TRERF1: variants seen among roughly 807,000 people sequenced by gnomAD.
TRERF1 encodes transcriptional regulating factor 1.
TRERF1 carries 27 observed loss-of-function variants against 122.9 expected under a neutral mutation model. That is an observed-to-expected ratio of 0.22 (90% confidence interval 0.16 to 0.30). TRERF1 has a LOEUF of 0.30. TRERF1 is among the 10% of genes least tolerant of loss of function. The pLI is 1.00. For synonymous variants in TRERF1, 636 were observed against 641.7 expected (o/e 0.99, Z 0.13); for missense variants, 1,248 against 1,560.3 (o/e 0.80, Z 3.37).
At chr6:42,255,171 C>T (rs150867584) in intron 12 of TRERF1, among the ~76,000 whole-genome samples, 148 of 152,330 alleles carry the variant, frequency 9.7e-4, no homozygotes, top group African/African-American at 3.3e-3. Context: ...GAAAACAGAA[C>T]GACCTGACTC....
intron 3 of TRERF1, among the ~76,000 whole-genome samples, chr6:42,357,328 CAA>C (rs35651008): frequency 0.11 from 6,584 of 60,814 alleles, 141 homozygotes; most frequent in African/African-American, 0.17. Context: ...GACTCTGTCT[CAA>C]AAAAAAAAAA....
chr6:42,343,489 T>C (rs1767681152), intron 3 of TRERF1, among the ~76,000 whole-genome samples: 1 of 152,184 alleles, frequency 6.6e-6, no homozygotes. Context: ...ACAAAAGGTA[T>C]ACCTGGTGTC....
chr6:42,239,876 G>T (rs1279716560), intron 15 of TRERF1, among the ~76,000 whole-genome samples: 1 of 151,590 alleles, frequency 6.6e-6, no homozygotes. Flanking sequence ...TTTTTTTGTG[G>T]GCCTGAGTCA....
At chr6:42,349,129 T>G (rs1015841250) in intron 3 of TRERF1, among the ~76,000 whole-genome samples, 1 of 152,222 alleles carries the variant, frequency 6.6e-6, no homozygotes, top group Non-Finnish European at 1.5e-5. Context: ...CTACCCTGTC[T>G]ACTTTCCCAA....
intron 2 of TRERF1, among the ~76,000 whole-genome samples, chr6:42,429,454 G>A (rs747728347): frequency 1.3e-5 from 2 of 152,126 alleles, no homozygotes; most frequent in African/African-American, 2.4e-5. Context: ...CCCTGCTACC[G>A]CCTCCTCTCA....
intron 2 of TRERF1, among the ~76,000 whole-genome samples, chr6:42,392,185 C>T (rs1307483681): frequency 2.0e-5 from 3 of 152,186 alleles, no homozygotes; most frequent in Non-Finnish European, 4.4e-5. Context: ...GCCAGGGCAG[C>T]ACCTGGCACA....
chr6:42,293,549 C>G (rs565424979), intron 4 of TRERF1, among the ~76,000 whole-genome samples: 2 of 152,318 alleles, frequency 1.3e-5, no homozygotes, highest in East Asian at 3.9e-4. Context: ...AAAAATGTCA[C>G]AGCTTTCTCT....
rs1023179508 is a variant in TRERF1, at chr6:42,265,603, A to G, written c.1484+148T>C. ...ATACATAATGCCTAGTGCTTAGCCC[A>G]TAGTATGCACTCAAACACAACAGCT... On this transcript the variant is annotated intron_variant, in intron 6 of 17. Coordinates refer to ENST00000372922, the Ensembl canonical transcript of TRERF1. The G allele has an allele frequency of 4.8e-5, 41 of 854,162 alleles. No individual in the cohort carries two copies. The Middle Eastern group carries it at 1.1e-3, about 23-fold the overall frequency. The allele number at this position is 854,162 out of a possible 1,614,324, so 52.9% of individuals were successfully genotyped here. A position where few individuals can be genotyped will look rare whatever the true frequency, so the allele number is the denominator to read the frequency against.
chr6:42,311,765 C>CA (rs10530333), intron 3 of TRERF1, among the ~76,000 whole-genome samples: 1,107 of 33,772 alleles, frequency 0.033, 31 homozygotes, highest in African/African-American at 0.045. Flanking sequence ...GACTCCGTCT[C>CA]AAAAAAAAAA....
rs762812010 is a variant in TRERF1 at position 42,374,150 on chromosome 6, A to AAAGAAGAAGAAG, written c.-453-11083_-453-11072dup. ...CTGTCTTTTTTTTAAAAAAAAAAAAAAAGAAGAAGAAGAAGAAGAAGAAGA... is the reference window on the plus strand; with the variant it reads ...CTGTCTTTTTTTTAAAAAAAAAAAAAAAGAAGAAGAAGAAGAAGAAGAAGAAGAAGAAGAAGA... On this transcript the variant is annotated intron_variant, in intron 2 of 17. Coordinates refer to ENST00000372922, the Ensembl canonical transcript of TRERF1. 4.2e-5 allele frequency among the ~76,000 whole-genome samples: 6 copies of AAAGAAGAAGAAG among 143,962 alleles called. No individual in the cohort carries two copies. The East Asian group carries it at 1.2e-3, about 28-fold the overall frequency. 94.4% of individuals were successfully genotyped at this position (143,962 alleles called of 152,430 possible).
At chr6:42,334,000 C>CACT (rs1765690700) in intron 3 of TRERF1, among the ~76,000 whole-genome samples, 1 of 93,870 alleles carries the variant, frequency 1.1e-5, no homozygotes, top group Admixed American at 9.0e-5. Flanking sequence ...ACATACACTA[C>CACT]ACACACACAC....
intron 15 of TRERF1, among the ~76,000 whole-genome samples, chr6:42,237,422 G>A (rs973486457): frequency 3.3e-5 from 5 of 152,242 alleles, no homozygotes; most frequent in Non-Finnish European, 5.9e-5. Context: ...CAAAAGGGCT[G>A]AGGACCAATC....
At chr6:42,386,722 G>C (rs1776882191) in intron 2 of TRERF1, among the ~76,000 whole-genome samples, 1 of 152,176 alleles carries the variant, frequency 6.6e-6, no homozygotes, top group Non-Finnish European at 1.5e-5. Flanking sequence ...GACCCTTCCG[G>C]ATCTTTGGTT....
chr6:42,224,955 T>A (rs1444159563), downstream of TRERF1: 3 of 152,206 alleles, frequency 2.0e-5, no homozygotes, highest in African/African-American at 7.2e-5. Flanking sequence ...AATATTTTAT[T>A]TTCAGAGCAG....
At chr6:42,244,070 G>A (rs1025609777) in intron 14 of TRERF1, among the ~76,000 whole-genome samples, 1 of 151,878 alleles carries the variant, frequency 6.6e-6, no homozygotes, top group Non-Finnish European at 1.5e-5. Context: ...TAGTAGAGAT[G>A]GGGTTTCACC....
intron 3 of TRERF1, among the ~76,000 whole-genome samples, chr6:42,325,749 C>T (rs941222706): frequency 1.2e-4 from 18 of 152,098 alleles, no homozygotes; most frequent in African/African-American, 4.1e-4. Context: ...GTGGTGTGCA[C>T]CTGTAGTCCC....
At position 42,371,281 on chromosome 6, in the gene TRERF1, C is replaced by T. The variant is rs114994520; in HGVS notation, c.-453-8202G>A. On this transcript the variant is annotated intron_variant, in intron 2 of 17. Coordinates refer to ENST00000372922, the Ensembl canonical transcript of TRERF1. ...GAGAGAAAACTCTAAGGAAACTTACCAAAATTCACAAGGGCCAGCAAAGAA... is the reference window on the plus strand; with the variant it reads ...GAGAGAAAACTCTAAGGAAACTTACTAAAATTCACAAGGGCCAGCAAAGAA... Among the ~76,000 whole-genome samples, 759 of 152,226 alleles carry T rather than the reference C, an allele frequency of 5.0e-3. 8 individuals are homozygous for T. Among genetic ancestry groups the T allele is most frequent in the African/African-American group, 0.017 (700 of 41,528 alleles).
At chr6:42,258,414 A>T (rs958614975) in intron 9 of TRERF1, among the ~76,000 whole-genome samples, 1 of 152,234 alleles carries the variant, frequency 6.6e-6, no homozygotes, top group African/African-American at 2.4e-5. Flanking sequence ...AGGAGAAGCC[A>T]GCTGTCCCAC....
intron 3 of TRERF1, among the ~76,000 whole-genome samples, chr6:42,315,059 C>T (rs560839466): frequency 6.6e-6 from 1 of 152,176 alleles, no homozygotes; most frequent in African/African-American, 2.4e-5. Flanking sequence ...GTGGCTCTGG[C>T]AGGGATGAGC....
Sources: allele counts gnomAD v4.1 joint callset (sites outside exome capture counted in the v4.1 genomes callset), GRCh38; gene constraint gnomAD v4.1.1; transcripts MANE v1.5; gene names NCBI Gene and HGNC (gene_info 2026-07-23, HGNC 2026-07-21).